Variants in YES1 observed in about 807,000 individuals in gnomAD.
The protein encoded by YES1 is YES proto-oncogene 1, Src family tyrosine kinase.
A neutral mutation model predicts 70.4 loss-of-function variants in YES1; 39 were observed. The ratio of observed to expected loss-of-function variants is 0.55; its 90% CI spans 0.43 to 0.72. The LOEUF (loss-of-function observed/expected upper bound fraction) is 0.72. YES1 is among the 30% of genes least tolerant of loss of function. The probability of loss-of-function intolerance (pLI) is 0.00; values close to 1 mark genes in which losing one functional copy is unlikely to be tolerated. For synonymous variants in YES1, 198 were observed against 218.6 expected, an observed-to-expected ratio of 0.91 and a Z score of 0.83; for missense variants, 495 against 644.8, an observed-to-expected ratio of 0.77 and a Z score of 2.52.
intron 1 of YES1, among the ~76,000 whole-genome samples, chr18:792,755 G>A (rs1906333742): frequency 6.6e-6 from 1 of 151,798 alleles, no homozygotes; most frequent in Admixed American, 6.6e-5. Flanking sequence ...GAGGCCAGGA[G>A]TTCAAGATCA....
chr18:777,899 A>G (rs1905465176), intron 1 of YES1, among the ~76,000 whole-genome samples: 2 of 152,196 alleles, frequency 1.3e-5, no homozygotes, highest in Admixed American at 6.6e-5. Flanking sequence ...CAAATTTGAA[A>G]TAAGTTTATA....
At chr18:729,606 T>G (rs1276813746) in intron 11 of YES1, among the ~76,000 whole-genome samples, 1 of 148,970 alleles carries the variant, frequency 6.7e-6, no homozygotes, top group African/African-American at 2.5e-5. Context: ...AGTCTGCTCC[T>G]ATTGATTTTG....
intron 1 of YES1, among the ~76,000 whole-genome samples, chr18:759,824 A>T (rs1323406964): frequency 6.6e-6 from 1 of 151,672 alleles, no homozygotes; most frequent in Non-Finnish European, 1.5e-5. Context: ...CTCGTCATTT[A>T]CATTAGGTAT....
At chr18:786,536 C>G (rs1350314527) in intron 1 of YES1, among the ~76,000 whole-genome samples, 1 of 149,436 alleles carries the variant, frequency 6.7e-6, no homozygotes, top group Admixed American at 6.7e-5. Context: ...CACACACACA[C>G]AGAGTTGCTC....
intron 1 of YES1, among the ~76,000 whole-genome samples, chr18:808,244 G>A (rs1907197686): frequency 6.6e-6 from 1 of 152,222 alleles, no homozygotes; most frequent in Admixed American, 6.5e-5. Flanking sequence ...CGATATTGGC[G>A]GCAGCACTGG....
intron 3 of YES1, among the ~76,000 whole-genome samples, chr18:750,789 G>A (rs2080332995): frequency 6.6e-6 from 1 of 152,058 alleles, no homozygotes; most frequent in South Asian, 2.1e-4. Context: ...TATTTTGAAG[G>A]GTGAGTAGGA....
At chr18:801,811 G>A (rs969960562) in intron 1 of YES1, among the ~76,000 whole-genome samples, 2 of 152,082 alleles carry the variant, frequency 1.3e-5, no homozygotes, top group Admixed American at 6.6e-5. Context: ...TCTTTTGCAT[G>A]TTTCTTTATT....
At chr18:802,294 G>A (rs569140679) in intron 1 of YES1, among the ~76,000 whole-genome samples, 9 of 152,232 alleles carry the variant, frequency 5.9e-5, no homozygotes, top group South Asian at 2.1e-4. Flanking sequence ...ATTGCCAGGC[G>A]TGGTGGCTCA....
intron 3 of YES1, among the ~76,000 whole-genome samples, chr18:750,911 G>C (rs2080333969): frequency 1.3e-5 from 2 of 152,178 alleles, no homozygotes; most frequent in South Asian, 4.1e-4. Context: ...TCAGAAAATT[G>C]CAAGTAATTC....
At chr18:791,695 G>A (rs989853098) in intron 1 of YES1, among the ~76,000 whole-genome samples, 1 of 152,134 alleles carries the variant, frequency 6.6e-6, no homozygotes, top group African/African-American at 2.4e-5. Context: ...TATCAAAAAT[G>A]TTATCAACAT....
rs1169690380 is a variant in YES1 at position 812,037 on chromosome 18, GGCT to G, written c.-9+74_-9+76del. On this transcript the variant is annotated intron_variant, in intron 1 of 11. Coordinates refer to ENST00000314574, the MANE Select transcript of YES1 (RefSeq NM_005433.4). Reference sequence around the variant, plus strand: ...GAACCGCGGCGGCGGCGGCGGCGGCGGCTCCGGGCGCTGGGGCCTAGCCCTGTC... The same window carrying G: ...GAACCGCGGCGGCGGCGGCGGCGGCGCCGGGCGCTGGGGCCTAGCCCTGTC... 18 of 163,616 alleles carry G rather than the reference GGCT, an allele frequency of 1.1e-4. No individual in the cohort carries two copies. In the East Asian group the frequency reaches 3.0e-3, roughly 27 times the overall value. 10.1% of individuals were successfully genotyped at this position (163,616 alleles called of 1,614,324 possible). A position where few individuals can be genotyped will look rare whatever the true frequency, so the allele number is the denominator to read the frequency against.
intron 1 of YES1, among the ~76,000 whole-genome samples, chr18:801,075 G>C (rs1269086051): frequency 6.6e-6 from 1 of 151,806 alleles, no homozygotes; most frequent in Non-Finnish European, 1.5e-5. Context: ...GAACCAAGGA[G>C]GTGGAGGTTG....
At chr18:784,644 G>C (rs1905845501) in intron 1 of YES1, among the ~76,000 whole-genome samples, 1 of 152,156 alleles carries the variant, frequency 6.6e-6, no homozygotes, top group African/African-American at 2.4e-5. Flanking sequence ...TAGCTTGTGG[G>C]GGCTGCCCAC....
intron 1 of YES1, among the ~76,000 whole-genome samples, chr18:791,656 TTAA>T (rs1291369631): frequency 6.6e-6 from 1 of 152,202 alleles, no homozygotes; most frequent in Non-Finnish European, 1.5e-5. Context: ...CAGAAAGAGA[TTAA>T]TTTTAATATC....
Position 801,614 on chromosome 18 carries a change from T to A in YES1, c.-9+10500A>T, listed in dbSNP as rs557192210. 5.9e-5 allele frequency among the ~76,000 whole-genome samples: 9 copies of A among 152,284 alleles called. No individual in the cohort carries two copies. In the South Asian group the frequency reaches 1.9e-3, roughly 32 times the overall value. ...AAATAAATGATATAATTAGTAGAAATAAAGGCAATATTGTACAGTAGCAAT... is the reference window on the plus strand; with the variant it reads ...AAATAAATGATATAATTAGTAGAAAAAAAGGCAATATTGTACAGTAGCAAT... On this transcript the variant is annotated intron_variant, in intron 1 of 11. Transcript: ENST00000314574.
At chr18:760,761 GAA>G (rs1216940423) in intron 1 of YES1, among the ~76,000 whole-genome samples, 1 of 152,130 alleles carries the variant, frequency 6.6e-6, no homozygotes, top group South Asian at 2.1e-4. Flanking sequence ...TCTAAAGTTG[GAA>G]AAGTCTTTTA....
At chr18:768,563 C>T (rs1905010986) in intron 1 of YES1, among the ~76,000 whole-genome samples, 1 of 152,150 alleles carries the variant, frequency 6.6e-6, no homozygotes, top group Admixed American at 6.5e-5. Flanking sequence ...CTATTTCCAA[C>T]TCTTCATCAC....
At chr18:745,533 A>G (rs2080268834) in intron 6 of YES1, among the ~76,000 whole-genome samples, 175 bp downstream of exon 6, 2 of 152,242 alleles carry the variant, frequency 1.3e-5, no homozygotes, top group Non-Finnish European at 1.5e-5. Context: ...TCTGAGTAGC[A>G]CAATGCAAGT....
rs576354174 is a variant in YES1 at position 812,116 on chromosome 18, G to A, written c.-11C>T. The A allele has an allele frequency of 4.6e-4, 70 of 152,892 alleles. No individual in the cohort carries two copies. Among genetic ancestry groups the A allele is most frequent in the African/African-American group, 1.6e-3 (68 of 41,474 alleles). 9.5% of individuals were successfully genotyped at this position (152,892 alleles called of 1,614,324 possible). A position where few individuals can be genotyped will look rare whatever the true frequency, so the allele number is the denominator to read the frequency against. ...GCGGGGCCCCACCGGGTCCTTACCT[G>A]TCCTCCGGCCGCGCTCTCATGAGTC... On this transcript the variant is annotated splice_region_variant and 5_prime_UTR_variant, in exon 1 of 12. Coordinates refer to ENST00000314574, the MANE Select transcript of YES1 (RefSeq NM_005433.4).
Sources: gnomAD v4.1 joint callset for allele counts (sites outside exome capture counted in the v4.1 genomes callset) on GRCh38, gnomAD v4.1.1 for gene constraint, MANE v1.5 for transcripts, NCBI Gene and HGNC (gene_info 2026-07-23, HGNC 2026-07-21) for gene names.